Variants in KSR2 observed in about 807,000 individuals in gnomAD.
KSR2 encodes the protein kinase suppressor of ras 2.
KSR2 carries 25 observed loss-of-function variants against 107.8 expected under a neutral mutation model. The ratio of observed to expected loss-of-function variants is 0.23; its 90% CI spans 0.17 to 0.32. KSR2 has a LOEUF of 0.32. Among genes scored for constraint, KSR2 ranks in the 10% least tolerant of loss-of-function variants. The probability of loss-of-function intolerance (pLI) is 1.00; values close to 1 mark genes in which losing one functional copy is unlikely to be tolerated. For synonymous variants in KSR2, 480 were observed against 507.0 expected (o/e 0.95, Z 0.71); for missense variants, 887 against 1,268.9 (o/e 0.70, Z 4.57).
intron 19 of KSR2, 92 bp from the exon 20 acceptor site, chr12:117,467,297 G>A (rs541291744): frequency 3.4e-6 from 2 of 595,494 alleles, no homozygotes; most frequent in Non-Finnish European, 6.1e-6. Context: ...AGTGGGCCAG[G>A]TGGCTTGAGA....
At chr12:117,697,433 A>G (rs1482668533) in intron 4 of KSR2, among the ~76,000 whole-genome samples, 3 of 152,210 alleles carry the variant, frequency 2.0e-5, no homozygotes, top group Non-Finnish European at 4.4e-5. Context: ...TTTTCTACGT[A>G]TATGTTACAC....
chr12:117,648,602 T>G (rs1883757468), intron 5 of KSR2, among the ~76,000 whole-genome samples: 1 of 152,232 alleles, frequency 6.6e-6, no homozygotes, highest in Admixed American at 6.5e-5. Context: ...ATCCTTAACA[T>G]TTCATTTCCT....
At chr12:117,671,740 T>A (rs1320843139) in intron 4 of KSR2, among the ~76,000 whole-genome samples, 1 of 152,202 alleles carries the variant, frequency 6.6e-6, no homozygotes. Context: ...GGAGTGCGCT[T>A]AAGAGCGCTT....
intron 1 of KSR2, among the ~76,000 whole-genome samples, chr12:117,958,180 G>A (rs4247308): frequency 0.49 from 74,578 of 151,862 alleles, 18,803 homozygotes; most frequent in Non-Finnish European, 0.54. Flanking sequence ...CATTACCCCA[G>A]GTACCAAGGC....
At chr12:117,602,657 T>A (rs904749463) in intron 5 of KSR2, among the ~76,000 whole-genome samples, 1 of 152,264 alleles carries the variant, frequency 6.6e-6, no homozygotes, top group Non-Finnish European at 1.5e-5. Context: ...CATCTGTTGA[T>A]GAGCACTTGT....
intron 4 of KSR2, among the ~76,000 whole-genome samples, chr12:117,722,342 G>A (rs1387083076): frequency 6.6e-6 from 1 of 152,168 alleles, no homozygotes; most frequent in African/African-American, 2.4e-5. Flanking sequence ...TTGAAGAGGA[G>A]CTGGGTAAAA....
intron 3 of KSR2, among the ~76,000 whole-genome samples, chr12:117,762,096 C>T (rs1297464930): frequency 6.6e-6 from 1 of 152,240 alleles, no homozygotes; most frequent in Non-Finnish European, 1.5e-5. Context: ...CCTTCCACTG[C>T]CCCATAGCTG....
At chr12:117,962,650 G>A (rs1442868736) in intron 1 of KSR2, among the ~76,000 whole-genome samples, 4 of 150,608 alleles carry the variant, frequency 2.7e-5, no homozygotes, top group African/African-American at 7.3e-5. Flanking sequence ...TCGCCATGTT[G>A]GCCAGGCTGG....
intron 17 of KSR2, among the ~76,000 whole-genome samples, chr12:117,473,159 C>A (rs1426833496): frequency 1.3e-5 from 2 of 152,184 alleles, no homozygotes; most frequent in African/African-American, 2.4e-5. Flanking sequence ...CTCTTCCCAA[C>A]GTTTTCCTCA....
chr12:117,942,327 T>C (rs1479512123), intron 1 of KSR2, among the ~76,000 whole-genome samples: 1 of 152,122 alleles, frequency 6.6e-6, no homozygotes, highest in Non-Finnish European at 1.5e-5. Flanking sequence ...CTCGATCTTA[T>C]TCCTTCTATC....
chr12:117,800,737 C>T (rs548477354), intron 3 of KSR2, among the ~76,000 whole-genome samples: 1 of 152,130 alleles, frequency 6.6e-6, no homozygotes, highest in Admixed American at 6.5e-5. Context: ...TGTCCTAATG[C>T]TCTCCCTCCC....
intron 14 of KSR2, among the ~76,000 whole-genome samples, chr12:117,486,062 A>C (rs539795273): frequency 9.2e-5 from 14 of 152,330 alleles, no homozygotes; most frequent in Non-Finnish European, 1.9e-4. Context: ...TTGGCCATTC[A>C]CACCAGCTGC....
Position 117,863,815 on chromosome 12 carries a change from G to A in KSR2, c.181-3384C>T, listed in dbSNP as rs141460192. Reference sequence around the variant, plus strand: ...CTTCCCTTTTCGGTGATCAGAGGCCGCCCGCATCCCTTGGCTTCTGGCCCC... The same window carrying A: ...CTTCCCTTTTCGGTGATCAGAGGCCACCCGCATCCCTTGGCTTCTGGCCCC... On this transcript the variant is annotated intron_variant, in intron 1 of 19. Transcript: ENST00000339824. Among the ~76,000 whole-genome samples the A allele has an allele frequency of 4.7e-3, 720 of 152,056 alleles. 2 individuals are homozygous for A. The highest frequency in any genetic ancestry group is 8.1e-3 in the Non-Finnish European group (549 of 67,984).
At chr12:117,749,488 T>A (rs1208417884) in intron 4 of KSR2, among the ~76,000 whole-genome samples, 1 of 151,382 alleles carries the variant, frequency 6.6e-6, no homozygotes, top group African/African-American at 2.4e-5. Flanking sequence ...AGGAAAAAAA[T>A]CTCACCGTCA....
chr12:117,600,451 G>A (rs555633580), intron 5 of KSR2, among the ~76,000 whole-genome samples: 1 of 152,244 alleles, frequency 6.6e-6, no homozygotes, highest in East Asian at 1.9e-4. Flanking sequence ...ATGCGTCCCT[G>A]GACCACGCCC....
At chr12:117,844,823 G>A (rs1300318594) in intron 3 of KSR2, among the ~76,000 whole-genome samples, 2 of 152,112 alleles carry the variant, frequency 1.3e-5, no homozygotes, top group Non-Finnish European at 2.9e-5. Flanking sequence ...GTGTCCTTGG[G>A]AGTCAACTTT....
At chr12:117,654,186 C>T (rs1299198485) in intron 5 of KSR2, among the ~76,000 whole-genome samples, 2 of 152,328 alleles carry the variant, frequency 1.3e-5, no homozygotes, top group African/African-American at 4.8e-5. Flanking sequence ...GAACTGGGTG[C>T]TTTCTGACCC....
chr12:117,727,586 T>C (rs1164012832), intron 4 of KSR2, among the ~76,000 whole-genome samples: 1 of 151,722 alleles, frequency 6.6e-6, no homozygotes, highest in African/African-American at 2.4e-5. Context: ...TAGCAGAGTT[T>C]AGAATCATGT....
At chr12:117,688,143 G>T (rs2136561543) in intron 4 of KSR2, among the ~76,000 whole-genome samples, 1 of 152,338 alleles carries the variant, frequency 6.6e-6, no homozygotes, top group East Asian at 1.9e-4. Context: ...ACTTTGGGAG[G>T]CTGAGATGGG....
Sources: allele counts gnomAD v4.1 joint callset (sites outside exome capture counted in the v4.1 genomes callset), GRCh38; gene constraint gnomAD v4.1.1; transcripts MANE v1.5; gene names NCBI Gene and HGNC (gene_info 2026-07-23, HGNC 2026-07-21).